The following PAMR1 variants were observed in gnomAD, a reference collection of about 807,000 sequenced individuals.
PAMR1 encodes peptidase domain containing associated with muscle regeneration 1.
Under a neutral mutation model 81.8 loss-of-function variants are expected in PAMR1, and 88 were observed. The ratio of observed to expected loss-of-function variants is 1.08; its 90% CI spans 0.91 to 1.28. PAMR1 has a LOEUF of 1.28. PAMR1 is among the 50% of genes most tolerant of loss of function. PAMR1 has a pLI of 0.00. For missense variants in PAMR1, 935 were observed against 919.7 expected, an observed-to-expected ratio of 1.02 and a Z score of -0.21; for synonymous variants, 336 against 345.3, an observed-to-expected ratio of 0.97 and a Z score of 0.30.
chr11:35,460,046 T>C (rs568519140), intron 6 of PAMR1, among the ~76,000 whole-genome samples: 4 of 152,230 alleles, frequency 2.6e-5, no homozygotes, highest in Non-Finnish European at 4.4e-5. Context: ...ATTGCTTTAG[T>C]ACATGGATAC....
chr11:35,474,109 A>G (rs1311635948), intron 4 of PAMR1, among the ~76,000 whole-genome samples: 2 of 152,250 alleles, frequency 1.3e-5, no homozygotes, highest in Non-Finnish European at 2.9e-5. Context: ...GGACTGTGGC[A>G]TAAACAACAT....
intron 6 of PAMR1, among the ~76,000 whole-genome samples, chr11:35,465,627 G>A (rs1018490420): frequency 6.6e-6 from 1 of 152,108 alleles, no homozygotes; most frequent in African/African-American, 2.4e-5. Context: ...AAATGAACCT[G>A]GATCTTACAG....
intron 6 of PAMR1, among the ~76,000 whole-genome samples, chr11:35,444,431 G>C (rs1856249852): frequency 6.6e-6 from 1 of 152,004 alleles, no homozygotes. Context: ...TGCCTATGTT[G>C]TATGGTATTG....
At chr11:35,480,544 T>C (rs1850371073) in intron 3 of PAMR1, among the ~76,000 whole-genome samples, 1 of 152,200 alleles carries the variant, frequency 6.6e-6, no homozygotes, top group South Asian at 2.1e-4. Context: ...ATTAATCCCC[T>C]CCAATGAATT....
In PAMR1 at chr11:35,439,657, C is replaced by T. The variant is rs747648607; in HGVS notation, c.1070G>A (p.Arg357Lys). Residue 357 changes from arginine to lysine, a missense_variant, in exon 8 of 11, where the codon AGG (arginine) becomes AAG (lysine). Arg to Lys is a conservative substitution (Grantham distance 26). Transcript: ENST00000619888. The part of the protein sequence containing the change: ...REPKISDLVR[R>K]RVLPMQVQSR... ...CTGAACCTGCATCGGAAGAACTCTC[C>T]TTCTCACCAGGTCTGAAATCTTTGG... 3 of 1,613,886 alleles carry T rather than the reference C, an allele frequency of 1.9e-6. No homozygotes were observed. The highest frequency in any genetic ancestry group is 1.7e-5 in the Admixed American group (1 of 59,998).
chr11:35,503,570 C>G (rs920778586), intron 1 of PAMR1, among the ~76,000 whole-genome samples: 1 of 151,966 alleles, frequency 6.6e-6, no homozygotes, highest in South Asian at 2.1e-4. Flanking sequence ...TCATAGTTTT[C>G]CTTGTATAGC....
chr11:35,491,150 G>C (rs771164816), intron 3 of PAMR1, among the ~76,000 whole-genome samples: 1 of 152,170 alleles, frequency 6.6e-6, no homozygotes, highest in Non-Finnish European at 1.5e-5. Context: ...GAACTCCCCA[G>C]TTCACCTGGA....
chr11:35,526,005 G>T (rs1472448447), upstream of PAMR1: 4 of 200,978 alleles, frequency 2.0e-5, no homozygotes, highest in Non-Finnish European at 4.1e-5. Flanking sequence ...TCCTACGGGA[G>T]GCTGAGACGG....
rs777948907 is a variant in PAMR1 at position 35,435,974 on chromosome 11, C to T, written c.1262G>A (p.Arg421His). ...ACATGTCCTCCTGCTGCTGCCCAGG[C>T]GGCGGTAGAAGGGTGAGATGCACTC... ...QYECISPFYR[R>H]LGSSRRTCLR... Residue 421 changes from arginine (R) to histidine (H), a missense_variant, in exon 9 of 11, where the codon CGC becomes CAC. Physicochemically the swap from Arg to His is conservative, Grantham distance 29. Coordinates refer to ENST00000619888, the MANE Select transcript of PAMR1 (RefSeq NM_001001991.3). 2.5e-5 allele frequency: 41 copies of T among 1,614,076 alleles called. No individual in the cohort carries two copies. Among genetic ancestry groups the T allele is most frequent in the Admixed American group, 6.7e-5 (4 of 60,010 alleles).
Position 35,521,962 on chromosome 11 carries a change from G to A in PAMR1, c.73+3551C>T, listed in dbSNP as rs543464012. Reference sequence around the variant, plus strand: ...TTTGGAGACAGAGTCTCACTCTGTCGCCCAAGCTGGAGTGCAGTGGCGCGA... The same window carrying A: ...TTTGGAGACAGAGTCTCACTCTGTCACCCAAGCTGGAGTGCAGTGGCGCGA... On this transcript the variant is annotated intron_variant, in intron 1 of 10. Transcript: ENST00000619888. Among the ~76,000 whole-genome samples the A allele has an allele frequency of 4.6e-4, 70 of 151,242 alleles. 1 individual carries two copies. The South Asian group carries it at 0.013, about 28-fold the overall frequency.
upstream of PAMR1, among the ~76,000 whole-genome samples, chr11:35,529,434 A>G (rs75095063): frequency 0.017 from 2,636 of 152,190 alleles, 36 homozygotes; most frequent in Non-Finnish European, 0.025. Context: ...GGGCCCTCTC[A>G]CCTCCTCCTC....
At chr11:35,522,380 A>G (rs185998859) in intron 1 of PAMR1, among the ~76,000 whole-genome samples, 1 of 152,254 alleles carries the variant, frequency 6.6e-6, no homozygotes, top group Non-Finnish European at 1.5e-5. Context: ...GGCCCTGGCA[A>G]TTACCACCCT....
Position 35,432,416 on chromosome 11 carries a change from G to A in PAMR1, c.2103C>T (p.Leu701=), listed in dbSNP as rs376946825. ...GCAGCACCTTGGTGAAGGCAGTGGA[G>A]AGCCTGTGGCTGCATGTTTTATCAT... is the stretch of plus-strand genomic sequence containing the variant. ...WSYDKTCSHR[L]STAFTKVLPF... The change falls in exon 11 of 11, where the codon CTC becomes CTT. Residue 701 remains leucine, a synonymous_variant. Coordinates refer to ENST00000619888, the MANE Select transcript of PAMR1 (RefSeq NM_001001991.3). The A allele has an allele frequency of 9.9e-6, 16 of 1,613,930 alleles. No homozygotes were observed. Among genetic ancestry groups the A allele is most frequent in the African/African-American group, 1.3e-5 (1 of 74,954 alleles).
rs551197555 is a variant in PAMR1, at chr11:35,479,332, A to T, written c.380-4588T>A. Among the ~76,000 whole-genome samples, 4 of 152,308 alleles carry T rather than the reference A, an allele frequency of 2.6e-5. No individual in the cohort carries two copies. The South Asian group carries it at 8.3e-4, about 32-fold the overall frequency. ...TAGTTGTGTGACTCTAAAAAAGGCC[A>T]CTATATTTTCTGAGCCAAGGTCTCT... is the stretch of plus-strand genomic sequence containing the variant. On this transcript the variant is annotated intron_variant, in intron 3 of 10. Coordinates refer to ENST00000619888, the MANE Select transcript of PAMR1 (RefSeq NM_001001991.3).
chr11:35,481,354 C>T (rs961703923), intron 3 of PAMR1, among the ~76,000 whole-genome samples: 3 of 152,322 alleles, frequency 2.0e-5, no homozygotes, highest in Middle Eastern at 3.4e-3. Context: ...TCTCCACAGC[C>T]TCACCAGCAT....
At chr11:35,526,067 G>C (rs1851383242), upstream of PAMR1, 1 of 151,858 alleles carries the variant, frequency 6.6e-6, no homozygotes, top group Non-Finnish European at 1.4e-5. Flanking sequence ...TTAAAAGCCT[G>C]GCCTGAGGAG....
At chr11:35,513,326 A>G (rs1230200270) in intron 1 of PAMR1, 1 of 152,200 alleles carries the variant, frequency 6.6e-6, no homozygotes, top group African/African-American at 2.4e-5. Flanking sequence ...TAACACTTCT[A>G]TTTATAGATG....
chr11:35,452,736 T>G (rs532520186), intron 6 of PAMR1, among the ~76,000 whole-genome samples: 1 of 152,306 alleles, frequency 6.6e-6, no homozygotes, highest in East Asian at 1.9e-4. Flanking sequence ...GCTTGGGTCT[T>G]CCCTGCCAAG....
intron 3 of PAMR1, among the ~76,000 whole-genome samples, chr11:35,488,865 C>T (rs1441683394): frequency 6.6e-6 from 1 of 151,958 alleles, no homozygotes; most frequent in African/African-American, 2.4e-5. Context: ...AGCCACTGCG[C>T]CCTGCCAAAT....
Sources: gnomAD v4.1 joint callset for allele counts (sites outside exome capture counted in the v4.1 genomes callset) on GRCh38, gnomAD v4.1.1 for gene constraint, MANE v1.5 for transcripts, NCBI Gene and HGNC (gene_info 2026-07-23, HGNC 2026-07-21) for gene names.